The following NOL4 variants were observed in gnomAD, a reference collection of about 807,000 sequenced individuals.
NOL4 encodes the protein nucleolar protein 4.
In NOL4, 17 loss-of-function variants were observed where a neutral mutation model predicts 75.9. The observed-to-expected ratio is 0.22, with a 90% confidence interval of 0.15 to 0.34. NOL4 has a LOEUF of 0.34. NOL4 is among the 10% of genes least tolerant of loss of function. The pLI is 1.00. For missense variants in NOL4, 614 were observed against 793.5 expected, an observed-to-expected ratio of 0.77 and a Z score of 2.72; for synonymous variants, 292 against 289.9, an observed-to-expected ratio of 1.01 and a Z score of -0.07.
intron 5 of NOL4, among the ~76,000 whole-genome samples, chr18:34,050,363 AAATC>A (rs1169194980): frequency 6.6e-6 from 1 of 152,130 alleles, no homozygotes; most frequent in Admixed American, 6.6e-5. Context: ...TTTACTTTCA[AAATC>A]AATCAACCAG....
chr18:34,023,365 A>T (rs1325764116), intron 5 of NOL4: 2 of 453,298 alleles, frequency 4.4e-6, no homozygotes. Flanking sequence ...TTAAGAATTT[A>T]AAATCGCGGA....
chr18:34,159,811 G>A (rs758964101), intron 1 of NOL4, among the ~76,000 whole-genome samples: 1 of 152,086 alleles, frequency 6.6e-6, no homozygotes, highest in Non-Finnish European at 1.5e-5. Context: ...AGGGTCAGAG[G>A]CCTTCAGAAA....
chr18:34,212,405 G>C (rs186708127), intron 1 of NOL4, among the ~76,000 whole-genome samples: 13 of 152,076 alleles, frequency 8.5e-5, no homozygotes, highest in Non-Finnish European at 1.6e-4. Flanking sequence ...AAATAATCTT[G>C]GTCAAATACG....
At chr18:34,154,371 C>T (rs2029942835) in intron 1 of NOL4, among the ~76,000 whole-genome samples, 2 of 151,954 alleles carry the variant, frequency 1.3e-5, no homozygotes, top group African/African-American at 4.8e-5. Flanking sequence ...CCCCTACAAG[C>T]TCCCTTTGAC....
rs1285603295 is a variant in NOL4, at chr18:33,852,896, T to C, written c.1863A>G (p.Ala621=). 18 of 1,613,026 alleles carry C rather than the reference T, an allele frequency of 1.1e-5. No homozygotes were observed. The highest frequency in any genetic ancestry group is 1.5e-5 in the Non-Finnish European group (18 of 1,179,474). The part of the protein sequence containing the change: ...QLVAGYRESA[A]FLLRSADELE... Reference sequence around the variant, plus strand: ...GTTCATCTGCAGATCGCAATAAAAATGCAGCTGATTCTCGATATCCTGCAA... The same window carrying C: ...GTTCATCTGCAGATCGCAATAAAAACGCAGCTGATTCTCGATATCCTGCAA... The change falls in exon 11 of 11, where the codon GCA becomes GCG. Residue 621 remains alanine (A), a synonymous_variant. Coordinates refer to ENST00000261592, the MANE Select transcript of NOL4 (RefSeq NM_003787.5).
chr18:34,023,863 T>C (rs1441684986), intron 5 of NOL4, among the ~76,000 whole-genome samples: 1 of 152,040 alleles, frequency 6.6e-6, no homozygotes, highest in Admixed American at 6.6e-5. Flanking sequence ...TGGCAGATTA[T>C]TCATTTTATT....
At chr18:33,981,164 A>G (rs1441992403) in intron 6 of NOL4, among the ~76,000 whole-genome samples, 8 of 152,058 alleles carry the variant, frequency 5.3e-5, no homozygotes, top group African/African-American at 1.9e-4. Context: ...TGAAAAGCAA[A>G]GAGAAAAATT....
At chr18:34,131,748 A>G (rs2080661990) in intron 1 of NOL4, among the ~76,000 whole-genome samples, 1 of 152,188 alleles carries the variant, frequency 6.6e-6, no homozygotes. Context: ...TGGGGATCAC[A>G]GCCTATTTAC....
intron 1 of NOL4, among the ~76,000 whole-genome samples, chr18:34,159,152 G>A (rs1337596294): frequency 6.6e-6 from 1 of 152,180 alleles, no homozygotes; most frequent in African/African-American, 2.4e-5. Flanking sequence ...GCTGGAGGGG[G>A]TGGCAGGGAG....
chr18:34,122,787 A>C (rs1273039200), intron 2 of NOL4, among the ~76,000 whole-genome samples: 1 of 152,152 alleles, frequency 6.6e-6, no homozygotes, highest in Non-Finnish European at 1.5e-5. Flanking sequence ...ATACAGGTGC[A>C]TACATGCAGG....
chr18:33,984,261 C>G (rs920154752), intron 6 of NOL4, among the ~76,000 whole-genome samples: 1 of 152,104 alleles, frequency 6.6e-6, no homozygotes, highest in African/African-American at 2.4e-5. Flanking sequence ...CTAATTTTCA[C>G]TCATATCTTA....
chr18:34,018,172 G>C (rs562496225), intron 6 of NOL4, among the ~76,000 whole-genome samples: 14 of 152,242 alleles, frequency 9.2e-5, no homozygotes, highest in Admixed American at 5.9e-4. Context: ...GGAAACTTAG[G>C]AGTTATTTTG....
intron 6 of NOL4, among the ~76,000 whole-genome samples, chr18:34,003,934 T>C (rs1276406581): frequency 6.6e-6 from 1 of 152,032 alleles, no homozygotes; most frequent in Non-Finnish European, 1.5e-5. Flanking sequence ...CTGACCAGCA[T>C]TAACATCAAA....
At chr18:33,966,238 T>G (rs2070574806) in intron 6 of NOL4, among the ~76,000 whole-genome samples, 1 of 152,106 alleles carries the variant, frequency 6.6e-6, no homozygotes, top group Non-Finnish European at 1.5e-5. Context: ...TTATTTAAGA[T>G]GAGGAGAATA....
intron 4 of NOL4, among the ~76,000 whole-genome samples, chr18:34,094,477 A>G (rs1568333420): frequency 6.6e-6 from 1 of 152,230 alleles, no homozygotes; most frequent in South Asian, 2.1e-4. Context: ...TGGAATTACC[A>G]AAAGGCCAGT....
chr18:34,176,305 G>GA, intron 1 of NOL4, among the ~76,000 whole-genome samples: 1 of 151,884 alleles, frequency 6.6e-6, no homozygotes, highest in African/African-American at 2.4e-5. Context: ...GAATAACAAA[G>GA]AAAAGTGAAC....
At chr18:33,872,535 G>C (rs2063748723) in intron 10 of NOL4, among the ~76,000 whole-genome samples, 1 of 151,916 alleles carries the variant, frequency 6.6e-6, no homozygotes, top group South Asian at 2.1e-4. Context: ...ACATAGAAAA[G>C]GTATTCTGCA....
chr18:34,104,986 G>T, intron 3 of NOL4, 63 bp downstream of exon 3: 3 of 989,326 alleles, frequency 3.0e-6, no homozygotes, highest in Non-Finnish European at 4.8e-6. Flanking sequence ...ATAAAAATGT[G>T]AGATACAAAT....
intron 5 of NOL4, among the ~76,000 whole-genome samples, chr18:34,031,269 C>T (rs966374058): frequency 6.6e-6 from 1 of 152,186 alleles, no homozygotes; most frequent in Non-Finnish European, 1.5e-5. Flanking sequence ...TTCTCAAACT[C>T]TCAGCGATGA....
Sources: gnomAD v4.1 joint callset for allele counts (sites outside exome capture counted in the v4.1 genomes callset) on GRCh38, gnomAD v4.1.1 for gene constraint, MANE v1.5 for transcripts, NCBI Gene and HGNC (gene_info 2026-07-23, HGNC 2026-07-21) for gene names.